Variants in ROBO1 observed in about 807,000 individuals in gnomAD.
ROBO1 encodes roundabout homolog 1.
In ROBO1, 149 loss-of-function variants were observed where a neutral mutation model predicts 195.9. The observed-to-expected ratio is 0.76, with a 90% CI of 0.67 to 0.87. The LOEUF (loss-of-function observed/expected upper bound fraction) is 0.87, where lower values mean the gene tolerates loss of function less well. Among genes scored for constraint, ROBO1 ranks in the 40% least tolerant of loss-of-function variants. The probability of loss-of-function intolerance (pLI) is 0.00; values close to 1 mark genes in which losing one functional copy is unlikely to be tolerated. For missense variants in ROBO1, 1,933 were observed against 2,068.3 expected, an observed-to-expected ratio of 0.93 and a Z score of 1.27; for synonymous variants, 816 against 733.2, an observed-to-expected ratio of 1.11 and a Z score of -1.82.
rs1054351615 is a variant in ROBO1, at chr3:78,800,248, C to T, written c.500-53348G>A. On this transcript the variant is annotated intron_variant, in intron 4 of 30. Coordinates refer to ENST00000464233, the MANE Select transcript of ROBO1 (RefSeq NM_002941.4). ...GTAGATTTAGAAAGCAGCCCAGAAA[C>T]GAAAAAATAACAACAAGATAACTAA... Among the ~76,000 whole-genome samples the T allele has an allele frequency of 6.6e-5, 10 of 151,872 alleles. 1 individual carries two copies. Among genetic ancestry groups the T allele is most frequent in the South Asian group, 2.1e-4 (1 of 4,818 alleles).
At chr3:78,704,978 A>AT (rs1402799737) in intron 8 of ROBO1, among the ~76,000 whole-genome samples, 2 of 152,172 alleles carry the variant, frequency 1.3e-5, no homozygotes, top group African/African-American at 2.4e-5. Context: ...CTGCTGATCC[A>AT]TTTTTTCCAG....
At chr3:78,940,108 G>C (rs2040052340) in intron 3 of ROBO1, among the ~76,000 whole-genome samples, 2 of 152,162 alleles carry the variant, frequency 1.3e-5, no homozygotes, top group Non-Finnish European at 2.9e-5. Context: ...TACTGAAAGA[G>C]TCCCAAATCA....
chr3:79,163,078 G>A (rs1335723701), intron 2 of ROBO1, among the ~76,000 whole-genome samples: 1 of 151,968 alleles, frequency 6.6e-6, no homozygotes, highest in African/African-American at 2.4e-5. Context: ...AGTGGAGTTA[G>A]ATACATTCCT....
intron 3 of ROBO1, among the ~76,000 whole-genome samples, chr3:79,093,925 T>C (rs917059951): frequency 6.6e-6 from 1 of 152,044 alleles, no homozygotes; most frequent in Non-Finnish European, 1.5e-5. Flanking sequence ...ATGACCCTAC[T>C]TCCTGTGCCC....
At chr3:78,755,529 G>T (rs1266770333) in intron 4 of ROBO1, among the ~76,000 whole-genome samples, 1 of 152,108 alleles carries the variant, frequency 6.6e-6, no homozygotes, top group African/African-American at 2.4e-5. Flanking sequence ...GGCTACTGAA[G>T]TAATTACAGG....
At chr3:78,854,056 A>C (rs2034247251) in intron 4 of ROBO1, among the ~76,000 whole-genome samples, 1 of 152,022 alleles carries the variant, frequency 6.6e-6, no homozygotes, top group South Asian at 2.1e-4. Context: ...AAACACCTTA[A>C]GAAAAAATGT....
chr3:79,164,735 G>A (rs1270522444), intron 2 of ROBO1, among the ~76,000 whole-genome samples: 5 of 152,014 alleles, frequency 3.3e-5, no homozygotes, highest in Non-Finnish European at 7.4e-5. Flanking sequence ...GGACTTTCAC[G>A]GGCTGCCTAT....
At chr3:79,507,551 C>T (rs1940468328) in intron 2 of ROBO1, among the ~76,000 whole-genome samples, 1 of 151,984 alleles carries the variant, frequency 6.6e-6, no homozygotes, top group Non-Finnish European at 1.5e-5. Context: ...TTTTGGTGGT[C>T]CTTCTATGCA....
intron 2 of ROBO1, among the ~76,000 whole-genome samples, chr3:79,317,016 C>A (rs1215312678): frequency 6.6e-6 from 1 of 152,052 alleles, no homozygotes; most frequent in Non-Finnish European, 1.5e-5. Flanking sequence ...TTTTCACACA[C>A]AAAACAACTT....
chr3:79,737,204 A>G (rs1406678626), intron 1 of ROBO1, among the ~76,000 whole-genome samples: 6 of 152,196 alleles, frequency 3.9e-5, no homozygotes, highest in Admixed American at 1.3e-4. Flanking sequence ...CTTTGAAAGC[A>G]TATGTGAGAT....
intron 5 of ROBO1, among the ~76,000 whole-genome samples, chr3:78,722,292 A>C (rs2082062338): frequency 1.3e-5 from 2 of 152,146 alleles, no homozygotes; most frequent in Admixed American, 1.3e-4. Context: ...CAGGCATTTT[A>C]CAAATACTTT....
At chr3:79,525,764 C>A (rs1412606549) in intron 2 of ROBO1, among the ~76,000 whole-genome samples, 1 of 151,656 alleles carries the variant, frequency 6.6e-6, no homozygotes, top group Non-Finnish European at 1.5e-5. Context: ...TGCCATCACA[C>A]CCGGCTAAAT....
intron 2 of ROBO1, among the ~76,000 whole-genome samples, chr3:79,552,629 G>C (rs1942564605): frequency 6.6e-6 from 1 of 152,074 alleles, no homozygotes; most frequent in African/African-American, 2.4e-5. Context: ...CCCAACTGAA[G>C]TTCTCTGAAC....
chr3:79,629,613 G>C (rs1379494299), intron 1 of ROBO1, among the ~76,000 whole-genome samples: 2 of 151,446 alleles, frequency 1.3e-5, no homozygotes, highest in Non-Finnish European at 2.9e-5. Context: ...CCAACCCAAA[G>C]CTAACAGAAG....
At chr3:78,619,224 T>C (rs751483669) in intron 26 of ROBO1, among the ~76,000 whole-genome samples, 6 of 152,010 alleles carry the variant, frequency 3.9e-5, no homozygotes, top group Non-Finnish European at 5.9e-5. Context: ...GTAAAGAGGA[T>C]AGATTCTACA....
intron 1 of ROBO1, among the ~76,000 whole-genome samples, chr3:79,710,628 G>T (rs1322270872): frequency 6.6e-6 from 1 of 152,128 alleles, no homozygotes; most frequent in Admixed American, 6.6e-5. Context: ...TAATGTGCAA[G>T]GCAATTGGTA....
chr3:78,839,479 G>A (rs1432844204), intron 4 of ROBO1, among the ~76,000 whole-genome samples: 1 of 149,378 alleles, frequency 6.7e-6, no homozygotes, highest in South Asian at 2.1e-4. Flanking sequence ...AATTTACTAT[G>A]ATGCTCCATT....
chr3:78,650,235 A>G (rs1174156094), intron 19 of ROBO1, among the ~76,000 whole-genome samples: 4 of 152,124 alleles, frequency 2.6e-5, no homozygotes, highest in Non-Finnish European at 1.5e-5. Context: ...TACTTTGTAT[A>G]CATAATGAGC....
At chr3:78,888,516 AC>A (rs1265632838) in intron 4 of ROBO1, among the ~76,000 whole-genome samples, 1 of 152,220 alleles carries the variant, frequency 6.6e-6, no homozygotes, top group Non-Finnish European at 1.5e-5. Context: ...CGAAATACAC[AC>A]AGACACACAT....
Sources: allele counts gnomAD v4.1 joint callset (sites outside exome capture counted in the v4.1 genomes callset), GRCh38; gene constraint gnomAD v4.1.1; transcripts MANE v1.5; gene names NCBI Gene and HGNC (gene_info 2026-07-23, HGNC 2026-07-21).